Variants in BLTP1 observed in about 807,000 individuals in gnomAD.
BLTP1 encodes the protein bridge-like lipid transfer protein family member 1.
the BLTP1 span, chr4:122,337,097 T>G: frequency 7.4e-7 from 1 of 1,342,322 alleles, no homozygotes; most frequent in Non-Finnish European, 1.0e-6. Flanking sequence ...TTCAACATTA[T>G]TACTGTTTAA....
At chr4:122,221,004 A>C in the BLTP1 span, 19 of 715,824 alleles carry the variant, frequency 2.7e-5, no homozygotes, top group Non-Finnish European at 2.9e-5. Flanking sequence ...GTAGATTATA[A>C]TTTTATTATT....
chr4:122,178,403 G>A, the BLTP1 span, among the ~76,000 whole-genome samples: 1 of 152,192 alleles, frequency 6.6e-6, no homozygotes, highest in African/African-American at 2.4e-5. Flanking sequence ...GCCTGGACCT[G>A]CCCCTAATTG....
chr4:122,188,180 A>T, the BLTP1 span: 6 of 1,242,054 alleles, frequency 4.8e-6, no homozygotes, highest in Non-Finnish European at 6.2e-6. Context: ...TTTTTGCTAC[A>T]AGTTGTACAA....
the BLTP1 span, chr4:122,362,233 A>G: frequency 1.2e-6 from 2 of 1,612,294 alleles, no homozygotes; most frequent in South Asian, 2.2e-5. Context: ...AGGCAAAGAC[A>G]AAGAAGAACA....
At chr4:122,263,540 C>T in the BLTP1 span, 5 of 1,612,986 alleles carry the variant, frequency 3.1e-6, no homozygotes, top group South Asian at 4.4e-5. Flanking sequence ...TGTGGGTAAT[C>T]GAGGAAGTGT....
chr4:122,312,982 ACTATGT>A, the BLTP1 span: 1 of 587,388 alleles, frequency 1.7e-6, no homozygotes, highest in Non-Finnish European at 2.1e-6. Flanking sequence ...TTCAACTTTT[ACTATGT>A]AAAATTGTTG....
the BLTP1 span, chr4:122,227,424 C>T: frequency 1.0e-6 from 1 of 984,540 alleles, no homozygotes; most frequent in Non-Finnish European, 1.2e-6. Flanking sequence ...AATAAATACT[C>T]TCCCTTATGA....
chr4:122,277,320 A>C, the BLTP1 span, among the ~76,000 whole-genome samples: 2 of 152,296 alleles, frequency 1.3e-5, no homozygotes, highest in African/African-American at 4.8e-5. Context: ...CAGCCTGGGC[A>C]ACAACGAGAC....
chr4:122,271,031 A>T, the BLTP1 span: 1 of 1,599,370 alleles, frequency 6.3e-7, no homozygotes, highest in Non-Finnish European at 8.5e-7. Flanking sequence ...AGGCCATGTG[A>T]ATCTTCCTCC....
At chr4:122,302,745 A>T in the BLTP1 span, among the ~76,000 whole-genome samples, 1 of 152,218 alleles carries the variant, frequency 6.6e-6, no homozygotes, top group East Asian at 1.9e-4. Flanking sequence ...CACAGGAATG[A>T]TAAGAAAGCC....
chr4:122,274,377 T>C, the BLTP1 span: 1 of 1,595,888 alleles, frequency 6.3e-7, no homozygotes, highest in Admixed American at 1.7e-5. Flanking sequence ...AGACTTGTGC[T>C]ACTGCTCATA....
chr4:122,193,172 A>G, the BLTP1 span, among the ~76,000 whole-genome samples: 4 of 152,272 alleles, frequency 2.6e-5, no homozygotes, highest in Admixed American at 6.5e-5. Flanking sequence ...TTAAGACCCC[A>G]TCTCCAAATA....
At chr4:122,294,999 G>A in the BLTP1 span, among the ~76,000 whole-genome samples, 1 of 152,152 alleles carries the variant, frequency 6.6e-6, no homozygotes, top group Admixed American at 6.5e-5. Flanking sequence ...AATAGACCAA[G>A]TGGAGGAAAG....
At chr4:122,230,266 G>C in the BLTP1 span, 1 of 1,425,396 alleles carries the variant, frequency 7.0e-7, no homozygotes, top group Non-Finnish European at 9.7e-7. Context: ...AAAAAAACTA[G>C]ATAATTGTAG....
At chr4:122,195,803 C>A in the BLTP1 span, 2 of 270,118 alleles carry the variant, frequency 7.4e-6, no homozygotes, top group Non-Finnish European at 1.1e-5. Context: ...AAGTTAAAGT[C>A]TGTGAGACTT....
At chr4:122,287,679 TA>T in the BLTP1 span, 1 of 985,144 alleles carries the variant, frequency 1.0e-6, no homozygotes, top group Non-Finnish European at 1.2e-6. Context: ...AGAAATATTA[TA>T]ACTGCGGGGG....
the BLTP1 span, among the ~76,000 whole-genome samples, chr4:122,301,832 C>G: frequency 6.6e-6 from 1 of 152,128 alleles, no homozygotes; most frequent in African/African-American, 2.4e-5. Flanking sequence ...AAGGCTGATG[C>G]AGGAGGATTG....
the BLTP1 span, chr4:122,153,151 T>A: frequency 2.3e-6 from 1 of 432,470 alleles, no homozygotes; most frequent in Admixed American, 7.0e-5. Context: ...AGAGTATTAG[T>A]TGTTGTCGTT....
the BLTP1 span, chr4:122,267,566 T>C: frequency 5.0e-6 from 4 of 806,852 alleles, no homozygotes; most frequent in African/African-American, 7.4e-5. Context: ...CTTGTAATAG[T>C]GGAATTTTTA....
Sources: gnomAD v4.1 joint callset for allele counts (sites outside exome capture counted in the v4.1 genomes callset) on GRCh38, gnomAD v4.1.1 for gene constraint, MANE v1.5 for transcripts, NCBI Gene and HGNC (gene_info 2026-07-23, HGNC 2026-07-21) for gene names.